The following AFG3L2 variants were observed in gnomAD, a reference collection of about 807,000 sequenced individuals.
AFG3L2 encodes AFG3 like matrix AAA peptidase subunit 2.
A neutral mutation model predicts 94.5 loss-of-function variants in AFG3L2; 54 were observed. The observed-to-expected ratio is 0.57, with a 90% CI of 0.46 to 0.72. The LOEUF is 0.72. Ranked by LOEUF, AFG3L2 falls within the 30% of genes least tolerant of loss-of-function variation. The pLI, the probability that AFG3L2 is intolerant of heterozygous loss-of-function variation, is 0.00. For missense variants in AFG3L2, 754 were observed against 994.9 expected, an observed-to-expected ratio of 0.76 and a Z score of 3.26; for synonymous variants, 377 against 365.5, an observed-to-expected ratio of 1.03 and a Z score of -0.36.
chr18:12,339,736 C>T (rs1907881643), intron 15 of AFG3L2, among the ~76,000 whole-genome samples: 1 of 151,164 alleles, frequency 6.6e-6, no homozygotes, highest in Non-Finnish European at 1.5e-5. Flanking sequence ...GTAACCCCAG[C>T]TCCTCAGGAG....
chr18:12,374,155 T>C (rs1027400000), intron 1 of AFG3L2, among the ~76,000 whole-genome samples: 5 of 152,162 alleles, frequency 3.3e-5, no homozygotes, highest in Admixed American at 2.0e-4. Context: ...AACACTGAGG[T>C]TGTGTTCTAT....
intron 3 of AFG3L2, 69 bp from the exon 4 acceptor site, chr18:12,367,451 T>G (rs1255358841): frequency 6.4e-6 from 9 of 1,410,206 alleles, no homozygotes; most frequent in East Asian, 2.3e-5. Flanking sequence ...TGTCTTCATG[T>G]ATACGGTTTA....
intron 3 of AFG3L2, among the ~76,000 whole-genome samples, chr18:12,369,520 C>T (rs1568146363): frequency 6.6e-6 from 1 of 151,020 alleles, no homozygotes; most frequent in East Asian, 2.0e-4. Context: ...CACATGAGGT[C>T]AGGAGTTCAA....
At chr18:12,338,199 A>C (rs1907815919) in intron 15 of AFG3L2, among the ~76,000 whole-genome samples, 1 of 152,150 alleles carries the variant, frequency 6.6e-6, no homozygotes, top group Admixed American at 6.5e-5. Flanking sequence ...AGCTTCCCAA[A>C]GTGCTGGGAT....
intron 15 of AFG3L2, among the ~76,000 whole-genome samples, chr18:12,338,081 TTTTTG>T (rs1426692146): frequency 6.6e-6 from 1 of 152,074 alleles, no homozygotes; most frequent in South Asian, 2.1e-4. Flanking sequence ...TTTCTTTTTG[TTTTTG>T]TTTTGAGACA....
intron 13 of AFG3L2, among the ~76,000 whole-genome samples, chr18:12,348,016 G>A (rs1908199548): frequency 6.6e-6 from 1 of 152,192 alleles, no homozygotes; most frequent in Non-Finnish European, 1.5e-5. Context: ...AAGCATTCGT[G>A]AGCTGCCATC....
rs572770315 is a variant in AFG3L2 at position 12,348,444 on chromosome 18, A to G, written c.1553-61T>C. 5.5e-5 allele frequency: 70 copies of G among 1,276,104 alleles called. No individual in the cohort carries two copies. The African/African-American group carries it at 9.5e-4, about 17-fold the overall frequency. The allele number at this position is 1,276,104 out of a possible 1,614,324, so 79.0% of individuals were successfully genotyped here. ...ATACGCCCAAACTGATCAGTCACAC[A>G]ATATGGACAGCCAAATCCATAGTTA... is the stretch of plus-strand genomic sequence containing the variant. On this transcript the variant is annotated intron_variant, in intron 12 of 16. Transcript: ENST00000269143.
chr18:12,351,266 C>A (rs571114609), intron 11 of AFG3L2, 40 bp downstream of exon 11: 4 of 1,614,030 alleles, frequency 2.5e-6, no homozygotes, highest in African/African-American at 2.7e-5. Flanking sequence ...CACACCTACA[C>A]TCATGAGCAC....
chr18:12,354,137 C>CT (rs1485558508), intron 9 of AFG3L2, among the ~76,000 whole-genome samples: 3 of 132,116 alleles, frequency 2.3e-5, no homozygotes, highest in South Asian at 2.8e-4. Flanking sequence ...CTCCCACCCC[C>CT]CCCCCCCCAC....
At position 12,368,336 on chromosome 18, in the gene AFG3L2, G is replaced by T. The variant is rs374249494; in HGVS notation, c.293-954C>A. On this transcript the variant is annotated intron_variant, in intron 3 of 16. Transcript: ENST00000269143. Reference sequence around the variant, plus strand: ...ATTGTACCACTGCACTCCAGCCTGGGCAACAGGAAGACCTTATCTCAAAAA... The same window carrying T: ...ATTGTACCACTGCACTCCAGCCTGGTCAACAGGAAGACCTTATCTCAAAAA... 1.1e-3 allele frequency among the ~76,000 whole-genome samples: 174 copies of T among 152,216 alleles called. 1 individual carries two copies. The highest frequency in any genetic ancestry group is 4.0e-3 in the African/African-American group (168 of 41,510).
intron 2 of AFG3L2, 64 bp from the exon 3 acceptor site, chr18:12,370,990 T>C: frequency 1.8e-6 from 2 of 1,115,848 alleles, no homozygotes; most frequent in Non-Finnish European, 2.6e-6. Context: ...GTGTTCATTT[T>C]GTTTTCAAAG....
chr18:12,364,579 C>T (rs959341462), intron 5 of AFG3L2, among the ~76,000 whole-genome samples: 5 of 152,204 alleles, frequency 3.3e-5, no homozygotes, highest in Non-Finnish European at 7.3e-5. Flanking sequence ...GACATACCAA[C>T]ATTTGGTAGT....
rs192695366 is a variant in AFG3L2 at position 12,358,002 on chromosome 18, A to C, written c.1026+668T>G. 4.6e-3 allele frequency among the ~76,000 whole-genome samples: 486 copies of C among 105,722 alleles called. 3 individuals carry two copies. Among genetic ancestry groups the C allele is most frequent in the African/African-American group, 0.017 (459 of 27,450 alleles). The allele number at this position is 105,722 out of a possible 152,430, so 69.4% of individuals were successfully genotyped here. A position where few individuals can be genotyped will look rare whatever the true frequency, so the allele number is the denominator to read the frequency against. ...AATATGACTTTTTATCTATAGAAGT[A>C]AGACATAAAAATCAAGGAAATGATT... On this transcript the variant is annotated intron_variant, in intron 8 of 16. Transcript: ENST00000269143.
intron 2 of AFG3L2, 103 bp downstream of exon 2, chr18:12,371,489 G>A (rs890255522): frequency 1.1e-5 from 10 of 871,288 alleles, no homozygotes; most frequent in Admixed American, 3.6e-5. Flanking sequence ...TATCTTCATC[G>A]CTGTAATCAG....
intron 5 of AFG3L2, among the ~76,000 whole-genome samples, chr18:12,365,355 A>G (rs150983546): frequency 6.6e-6 from 1 of 152,168 alleles, no homozygotes; most frequent in Non-Finnish European, 1.5e-5. Flanking sequence ...CGCAATGACC[A>G]CTGCTTCTGA....
intron 12 of AFG3L2, among the ~76,000 whole-genome samples, chr18:12,348,726 T>C (rs1468533363): frequency 1.3e-5 from 2 of 152,230 alleles, no homozygotes; most frequent in African/African-American, 2.4e-5. Flanking sequence ...CTATCACCTG[T>C]GTTGGAAAAA....
chr18:12,358,568 G>A (rs979525495), intron 8 of AFG3L2, 102 bp downstream of exon 8: 13 of 1,424,604 alleles, frequency 9.1e-6, no homozygotes, highest in Admixed American at 6.0e-5. Context: ...AAAGAGGAAG[G>A]ACAGAAAAAC....
intron 16 of AFG3L2, among the ~76,000 whole-genome samples, chr18:12,331,520 T>C (rs1305559106): frequency 6.6e-6 from 1 of 152,172 alleles, no homozygotes; most frequent in Non-Finnish European, 1.5e-5. Flanking sequence ...AAAAAATATA[T>C]GGCCACGCGC....
intron 13 of AFG3L2, among the ~76,000 whole-genome samples, chr18:12,345,111 C>A (rs571352977): frequency 6.6e-6 from 1 of 152,358 alleles, no homozygotes; most frequent in African/African-American, 2.4e-5. Flanking sequence ...TGGAGCCAGC[C>A]AGGCTGATGC....
Sources: allele counts gnomAD v4.1 joint callset (sites outside exome capture counted in the v4.1 genomes callset), GRCh38; gene constraint gnomAD v4.1.1; transcripts MANE v1.5; gene names NCBI Gene and HGNC (gene_info 2026-07-23, HGNC 2026-07-21).